The following RAB28 variants were observed in gnomAD, a reference collection of about 807,000 sequenced individuals.
RAB28 encodes RAB28, member RAS oncogene family, also known as ras-related protein Rab-28.
RAB28 carries 24 observed loss-of-function variants against 31.7 expected under a neutral mutation model. The ratio of observed to expected loss-of-function variants is 0.76; its 90% CI spans 0.55 to 1.06. The LOEUF is 1.06. RAB28 is among the 50% of genes least tolerant of loss of function. The pLI, the probability that RAB28 is intolerant of heterozygous loss-of-function variation, is 0.00. For synonymous variants in RAB28, 100 were observed against 90.4 expected (o/e 1.11, Z -0.60); for missense variants, 254 against 258.5 (o/e 0.98, Z 0.12).
intron 4 of RAB28, among the ~76,000 whole-genome samples, chr4:13,441,536 A>G (rs1016319157): frequency 1.3e-5 from 2 of 152,204 alleles, no homozygotes; most frequent in Non-Finnish European, 2.9e-5. Flanking sequence ...TGATACCTAA[A>G]TAAAAGCTTA....
intron 4 of RAB28, among the ~76,000 whole-genome samples, chr4:13,389,226 A>G (rs1424947707): frequency 6.6e-6 from 1 of 152,158 alleles, no homozygotes; most frequent in Non-Finnish European, 1.5e-5. Flanking sequence ...ATATCATATG[A>G]TTCCACTCTT....
chr4:13,401,107 T>C (rs926044005), intron 4 of RAB28, among the ~76,000 whole-genome samples: 1 of 152,176 alleles, frequency 6.6e-6, no homozygotes, highest in East Asian at 1.9e-4. Context: ...ACACCTTTGG[T>C]TTTCTGGAAA....
intron 3 of RAB28, among the ~76,000 whole-genome samples, chr4:13,465,688 A>C (rs1715805534): frequency 6.6e-6 from 1 of 151,672 alleles, no homozygotes; most frequent in South Asian, 2.1e-4. Context: ...TATGGGTCAG[A>C]AACTAAACTC....
Position 13,460,705 on chromosome 4 carries a change from T to C in RAB28, c.385A>G (p.Asn129Asp). 6.2e-7 allele frequency: 1 copy of C among 1,614,028 alleles called. No individual in the cohort carries two copies. Among genetic ancestry groups the C allele is most frequent in the Non-Finnish European group, 8.5e-7 (1 of 1,179,912 alleles). The change falls in exon 4 of 7, where the codon AAT (asparagine) becomes GAT (aspartate). Residue 129 changes from asparagine (N) to aspartate (D), a missense_variant. Asn to Asp is a conservative substitution (Grantham distance 23). Transcript: ENST00000330852. ...ETQPLVALVG[N>D]KIDLEHMRTI... ...ACAAGCAGTAATAACTTACTTTTAT[T>C]GCCTACCAAGGCAACCAGTGGCTGA...
chr4:13,377,845 G>A (rs1577151283), intron 5 of RAB28, among the ~76,000 whole-genome samples: 2 of 152,216 alleles, frequency 1.3e-5, no homozygotes, highest in Non-Finnish European at 1.5e-5. Flanking sequence ...GTACAGCCAA[G>A]GGGATTTGGT....
intron 4 of RAB28, chr4:13,459,652 A>C: frequency 1.6e-6 from 1 of 638,818 alleles, no homozygotes; most frequent in Middle Eastern, 7.9e-4. Context: ...TTTTACCAAG[A>C]ACCACTCTTC....
chr4:13,392,937 G>A lies in RAB28; in HGVS notation c.392-11343C>T, dbSNP rs186535750. Among the ~76,000 whole-genome samples the A allele has an allele frequency of 8.5e-4, 130 of 152,212 alleles. 2 individuals are homozygous for A. In the South Asian group the frequency reaches 0.026, roughly 31 times the overall value. Reference sequence around the variant, plus strand: ...ATAAGGTTGCTATAATGGATAAGATGAATAAATACACAAAAAGCAATGACT... The same window carrying A: ...ATAAGGTTGCTATAATGGATAAGATAAATAAATACACAAAAAGCAATGACT... On this transcript the variant is annotated intron_variant, in intron 4 of 6. Coordinates refer to ENST00000330852, the MANE Select transcript of RAB28 (RefSeq NM_001017979.3).
chr4:13,428,021 A>T (rs1713605105), intron 4 of RAB28, among the ~76,000 whole-genome samples: 2 of 152,176 alleles, frequency 1.3e-5, no homozygotes, highest in African/African-American at 4.8e-5. Context: ...GTCGTGATGG[A>T]TTGAGCAAGC....
chr4:13,436,220 G>T (rs1714098000), intron 4 of RAB28, among the ~76,000 whole-genome samples: 1 of 151,996 alleles, frequency 6.6e-6, no homozygotes, highest in Non-Finnish European at 1.5e-5. Flanking sequence ...AATAATAAGA[G>T]CCATCTATGA....
intron 3 of RAB28, among the ~76,000 whole-genome samples, chr4:13,461,882 C>G (rs1222360655): frequency 6.6e-6 from 1 of 152,150 alleles, no homozygotes; most frequent in African/African-American, 2.4e-5. Flanking sequence ...ACGTCAAGGT[C>G]TCCTCATTAA....
At chr4:13,394,850 G>A (rs1729801557) in intron 4 of RAB28, among the ~76,000 whole-genome samples, 1 of 152,246 alleles carries the variant, frequency 6.6e-6, no homozygotes, top group South Asian at 2.1e-4. Flanking sequence ...AAAACAAGCA[G>A]AGAAACCACT....
chr4:13,445,963 G>C (rs1307518460), intron 4 of RAB28, among the ~76,000 whole-genome samples: 2 of 152,198 alleles, frequency 1.3e-5, no homozygotes, highest in African/African-American at 4.8e-5. Context: ...CCCTGAACCT[G>C]AGTCTGCAGC....
chr4:13,452,229 T>C (rs952542584), intron 4 of RAB28, among the ~76,000 whole-genome samples: 2 of 151,976 alleles, frequency 1.3e-5, no homozygotes, highest in African/African-American at 4.8e-5. Context: ...AACAACTTTT[T>C]GTTTTGTTGA....
At position 13,392,651 on chromosome 4, in the gene RAB28, A is replaced by T. The variant is rs1424386571; in HGVS notation, c.392-11057T>A. ...TCTCTTGTTAATAATAAGGTATTGT[A>T]TTCTTGGAAGTTGCTAAGAGAATAG... On this transcript the variant is annotated intron_variant, in intron 4 of 6. Transcript: ENST00000330852. Among the ~76,000 whole-genome samples, 5 of 152,320 alleles carry T rather than the reference A, an allele frequency of 3.3e-5. No homozygotes were observed. The East Asian group carries it at 7.7e-4, about 24-fold the overall frequency.
chr4:13,401,133 A>C (rs1711726962), intron 4 of RAB28, among the ~76,000 whole-genome samples: 1 of 152,222 alleles, frequency 6.6e-6, no homozygotes, highest in African/African-American at 2.4e-5. Context: ...ATATACAATT[A>C]GTATTATTTC....
chr4:13,428,297 A>G (rs1380081155), intron 4 of RAB28, among the ~76,000 whole-genome samples: 1 of 152,130 alleles, frequency 6.6e-6, no homozygotes, highest in South Asian at 2.1e-4. Context: ...CCTTATAAGC[A>G]CCCTAACAAA....
chr4:13,371,758 A>G (rs1362315815), intron 6 of RAB28: 12 of 1,546,478 alleles, frequency 7.8e-6, no homozygotes, highest in African/African-American at 1.4e-5. Context: ...CCATTTATTG[A>G]TGTTTTTAGA....
Position 13,427,021 on chromosome 4 carries a change from G to A in RAB28, c.391+33678C>T, listed in dbSNP as rs73819851. Among the ~76,000 whole-genome samples, 1,052 of 152,206 alleles carry A rather than the reference G, an allele frequency of 6.9e-3. 16 individuals carry two copies. The highest frequency in any genetic ancestry group is 0.024 in the African/African-American group (999 of 41,550). ...TACCTCCTTATTTTGCCTGAAATCAGGAGGTGTATAGTGTAAGAAAATGGC... is the reference window on the plus strand; with the variant it reads ...TACCTCCTTATTTTGCCTGAAATCAAGAGGTGTATAGTGTAAGAAAATGGC... On this transcript the variant is annotated intron_variant, in intron 4 of 6. Transcript: ENST00000330852.
chr4:13,380,684 T>C lies in RAB28; in HGVS notation c.495+807A>G, dbSNP rs898809248. On this transcript the variant is annotated intron_variant, in intron 5 of 6. Coordinates refer to ENST00000330852, the MANE Select transcript of RAB28 (RefSeq NM_001017979.3). ...CAATCATACAATGCTGGTGATAGCA[T>C]GAATTTAGTCTTTCTGGTGGTGATT... 2.6e-5 allele frequency among the ~76,000 whole-genome samples: 4 copies of C among 152,122 alleles called. No individual in the cohort carries two copies. The South Asian group carries it at 8.3e-4, about 31-fold the overall frequency.
Sources: gnomAD v4.1 joint callset for allele counts (sites outside exome capture counted in the v4.1 genomes callset) on GRCh38, gnomAD v4.1.1 for gene constraint, MANE v1.5 for transcripts, NCBI Gene and HGNC (gene_info 2026-07-23, HGNC 2026-07-21) for gene names.